The following RB1CC1 variants were observed in gnomAD, a reference collection of about 807,000 sequenced individuals.
RB1CC1 encodes RB1-inducible coiled-coil protein 1.
RB1CC1 carries 46 observed loss-of-function variants against 177.5 expected under a neutral mutation model. The observed-to-expected ratio is 0.26, with a 90% CI of 0.20 to 0.33. RB1CC1 has a LOEUF of 0.33. Ranked by LOEUF, RB1CC1 falls within the 10% of genes least tolerant of loss-of-function variation. The pLI is 1.00. For synonymous variants in RB1CC1, 666 were observed against 613.6 expected (o/e 1.09, Z -1.26); for missense variants, 1,703 against 1,816.3 (o/e 0.94, Z 1.13).
intron 5 of RB1CC1, among the ~76,000 whole-genome samples, chr8:52,679,809 C>A (rs1853528771): frequency 6.6e-6 from 1 of 152,108 alleles, no homozygotes; most frequent in African/African-American, 2.4e-5. Context: ...CCTCTTGGGG[C>A]CCTATCTGAA....
intron 11 of RB1CC1, 122 bp from the exon 12 acceptor site, chr8:52,660,779 G>A (rs1276863210): frequency 9.0e-7 from 1 of 1,105,564 alleles, no homozygotes; most frequent in South Asian, 1.6e-5. Context: ...TTTAACAATG[G>A]ATTCAATTCT....
At chr8:52,685,755 A>G (rs1854221734) in intron 2 of RB1CC1, among the ~76,000 whole-genome samples, 2 of 152,208 alleles carry the variant, frequency 1.3e-5, no homozygotes, top group Admixed American at 1.3e-4. Flanking sequence ...CACAGGAAAA[A>G]AAGTTTGATT....
At chr8:52,637,241 T>C (rs1360859778) in intron 18 of RB1CC1, among the ~76,000 whole-genome samples, 1 of 152,228 alleles carries the variant, frequency 6.6e-6, no homozygotes, top group Non-Finnish European at 1.5e-5. Flanking sequence ...CTTTTTTCCA[T>C]GTTTTGTAAT....
intron 23 of RB1CC1, among the ~76,000 whole-genome samples, chr8:52,624,362 T>C (rs2150363197): frequency 6.6e-6 from 1 of 152,102 alleles, no homozygotes; most frequent in South Asian, 2.1e-4. Context: ...GGGCAGAGTA[T>C]GAAAATAATA....
chr8:52,671,720 T>TA (rs1212764367), intron 7 of RB1CC1, among the ~76,000 whole-genome samples: 6 of 152,214 alleles, frequency 3.9e-5, no homozygotes, highest in African/African-American at 1.4e-4. Context: ...ACATTTATTT[T>TA]AAATTCTGGC....
At position 52,628,051 on chromosome 8, in the gene RB1CC1, A is replaced by C. The variant is rs778517551; in HGVS notation, c.4617T>G (p.Asp1539Glu). 6.3e-6 allele frequency: 10 copies of C among 1,599,202 alleles called. No homozygotes were observed. The highest frequency in any genetic ancestry group is 8.5e-6 in the Non-Finnish European group (10 of 1,173,504). The change falls in exon 22 of 24, where the codon GAT (aspartate) becomes GAG (glutamate). Residue 1539 changes from aspartate (D) to glutamate (E), a missense_variant. Physicochemically the swap from Asp to Glu is conservative, Grantham distance 45. Transcript: ENST00000025008. ...ACTTACCACCCTCACCTGGTTTGAG[A>C]TCCAGGGCAGGTAGAGACTCTGAAT... ...FLHSESLPAL[D>E]LKPGEGASGA...
intron 23 of RB1CC1, 95 bp from the exon 24 acceptor site, chr8:52,623,954 CA>C (rs927081025): frequency 1.4e-5 from 11 of 814,598 alleles, no homozygotes; most frequent in African/African-American, 1.0e-4. Flanking sequence ...CAAAAAGAAA[CA>C]AAAAAATAAA....
chr8:52,656,462 C>T lies in RB1CC1; in HGVS notation c.3367G>A (p.Ala1123Thr), dbSNP rs773119177. Residue 1123 changes from alanine (A) to threonine (T), a missense_variant, in exon 15 of 24, where the codon GCA becomes ACA. Ala to Thr is a moderately conservative substitution (Grantham distance 58). Around this residue, in one of 6 missense-constraint regions of RB1CC1, gnomAD observed 1,169 missense variants for 1,184.7 expected, o/e 0.99. Transcript: ENST00000025008. The stretch of plus-strand genomic sequence containing the variant: ...ATTGTCATTAAAGTTCTTAGCTCTG[C>T]TAAGCCCACCTGATAATTTTCATTA... ...DNNENYQVGL[A>T]ELRTLMTIEK... The T allele has an allele frequency of 6.2e-7, 1 of 1,611,306 alleles. No individual in the cohort carries two copies. The highest frequency in any genetic ancestry group is 8.5e-7 in the Non-Finnish European group (1 of 1,179,750).
intron 20 of RB1CC1, among the ~76,000 whole-genome samples, chr8:52,634,424 G>T (rs1848980797): frequency 6.6e-6 from 1 of 151,926 alleles, no homozygotes; most frequent in Non-Finnish European, 1.5e-5. Flanking sequence ...TACTCGGGAG[G>T]CTAATGCACA....
At chr8:52,654,711 G>A (rs939536447) in intron 15 of RB1CC1, among the ~76,000 whole-genome samples, 3 of 152,176 alleles carry the variant, frequency 2.0e-5, no homozygotes, top group Non-Finnish European at 4.4e-5. Flanking sequence ...GCTGTATCAA[G>A]TGTCTTGCTA....
chr8:52,631,378 A>G (rs1344346420), intron 20 of RB1CC1, among the ~76,000 whole-genome samples: 1 of 152,154 alleles, frequency 6.6e-6, no homozygotes, highest in East Asian at 1.9e-4. Context: ...CTGAGGTGGG[A>G]AGATCACTTG....
intron 15 of RB1CC1, among the ~76,000 whole-genome samples, 164 bp downstream of exon 15, chr8:52,655,844 C>G (rs1368921208): frequency 6.6e-6 from 1 of 152,092 alleles, no homozygotes; most frequent in African/African-American, 2.4e-5. Flanking sequence ...TCTGTTATTT[C>G]TGTTTGCAAG....
chr8:52,699,814 AAAAAAAAAAAAAAAAAAT>A (rs1386890210), intron 1 of RB1CC1, among the ~76,000 whole-genome samples: 1 of 88,136 alleles, frequency 1.1e-5, no homozygotes, highest in African/African-American at 3.6e-5. Flanking sequence ...CAAAAAAAAA[AAAAAAAAAAAAAAAAAAT>A]ATATATATAT....
chr8:52,702,720 AAAG>A (rs749089855), intron 1 of RB1CC1, among the ~76,000 whole-genome samples: 179 of 152,338 alleles, frequency 1.2e-3, no homozygotes, highest in Admixed American at 4.3e-3. Context: ...AAAAAAAAGA[AAAG>A]AAGAAGAAAA....
At chr8:52,695,391 C>T (rs1038170314) in intron 1 of RB1CC1, among the ~76,000 whole-genome samples, 3 of 152,354 alleles carry the variant, frequency 2.0e-5, no homozygotes, top group African/African-American at 4.8e-5. Flanking sequence ...CTTTGCCCTT[C>T]GCTACTGGGA....
At position 52,709,731 on chromosome 8, in the gene RB1CC1, ACT is replaced by A. The variant is rs919008138; in HGVS notation, c.-167+4342_-167+4343del. On this transcript the variant is annotated intron_variant, in intron 1 of 23. Transcript: ENST00000025008. ...TCGCCTGCCTGGGCGACAAAGTAAG[ACT>A]CTGCCTTAAAAAACAAAAACAAACA... Among the ~76,000 whole-genome samples the A allele has an allele frequency of 3.3e-5, 5 of 152,296 alleles. No homozygotes were observed. The South Asian group carries it at 8.3e-4, about 25-fold the overall frequency.
intron 20 of RB1CC1, among the ~76,000 whole-genome samples, chr8:52,631,982 C>T (rs1848799457): frequency 6.6e-6 from 1 of 152,210 alleles, no homozygotes; most frequent in Non-Finnish European, 1.5e-5. Flanking sequence ...TTCAATGAAA[C>T]TTCTGAGATG....
At chr8:52,626,286 T>A (rs1311146285) in intron 22 of RB1CC1, among the ~76,000 whole-genome samples, 1 of 152,198 alleles carries the variant, frequency 6.6e-6, no homozygotes, top group Non-Finnish European at 1.5e-5. Context: ...ATAAATAAAT[T>A]CTTTTCTGCA....
chr8:52,628,711 G>A (rs1175548389), intron 21 of RB1CC1, among the ~76,000 whole-genome samples: 1 of 152,190 alleles, frequency 6.6e-6, no homozygotes, highest in South Asian at 2.1e-4. Context: ...CAGGGAAAGA[G>A]AGAAGTGGGT....
Sources: allele counts gnomAD v4.1 joint callset (sites outside exome capture counted in the v4.1 genomes callset), GRCh38; gene constraint gnomAD v4.1.1; regional missense constraint gnomAD v4.1.1; transcripts MANE v1.5; gene names NCBI Gene and HGNC (gene_info 2026-07-23, HGNC 2026-07-21).